The following FMN1 variants were observed in gnomAD, a reference collection of about 807,000 sequenced individuals.
FMN1 encodes formin 1.
FMN1 carries 110 observed loss-of-function variants against 132.4 expected under a neutral mutation model. That is an observed-to-expected ratio of 0.83 (90% CI 0.71 to 0.97). The LOEUF is 0.97. Among genes scored for constraint, FMN1 ranks in the 50% least tolerant of loss-of-function variants. The pLI is 0.00. For missense variants in FMN1, 1,792 were observed against 1,705.3 expected (o/e 1.05, Z -0.90); for synonymous variants, 722 against 651.7 (o/e 1.11, Z -1.64).
chr15:33,087,461 G>A (rs191602581), intron 5 of FMN1, among the ~76,000 whole-genome samples: 5 of 152,262 alleles, frequency 3.3e-5, no homozygotes, highest in East Asian at 1.9e-4. Context: ...TGGGAGGACC[G>A]CTTGAACCCG....
rs368887334 is a variant in FMN1 at position 33,069,992 on chromosome 15, TC to T, written c.2044-4919del. Among the ~76,000 whole-genome samples the T allele has an allele frequency of 3.5e-3, 348 of 99,624 alleles. 33 individuals are homozygous for T. In the East Asian group the frequency reaches 0.085, roughly 24 times the overall value. 65.4% of individuals were successfully genotyped at this position (99,624 alleles called of 152,430 possible). On this transcript the variant is annotated intron_variant, in intron 5 of 20. Coordinates refer to ENST00000616417, the MANE Select transcript of FMN1 (RefSeq NM_001277313.2). ...CAACAGATCATAAGATCAGTCTTTCTCTTTTTTTTTTTTTTTTTTTTTTTTT... is the reference window on the plus strand; with the variant it reads ...CAACAGATCATAAGATCAGTCTTTCTTTTTTTTTTTTTTTTTTTTTTTTTT...
At position 33,067,050 on chromosome 15, in the gene FMN1, C is replaced by G. The variant is rs1194286273; in HGVS notation, c.2044-1976G>C. ...GCCCCCTTCTTCAGCACACGAAGCC[C>G]ACTGAAAAAAGCTGGAAGTTGGAAT... On this transcript the variant is annotated intron_variant, in intron 5 of 20. Coordinates refer to ENST00000616417, the MANE Select transcript of FMN1 (RefSeq NM_001277313.2). The G allele has an allele frequency of 6.2e-6, 10 of 1,613,948 alleles. No individual in the cohort carries two copies. Among genetic ancestry groups the G allele is most frequent in the Non-Finnish European group, 8.5e-6 (10 of 1,179,882 alleles).
At chr15:32,799,604 G>A (rs2057410027) in intron 18 of FMN1, among the ~76,000 whole-genome samples, 3 of 152,176 alleles carry the variant, frequency 2.0e-5, no homozygotes, top group Admixed American at 6.5e-5. Context: ...GGCATAGCAA[G>A]TTTTGGATGA....
intron 17 of FMN1, among the ~76,000 whole-genome samples, chr15:32,823,591 G>C (rs1036204820): frequency 6.6e-6 from 1 of 152,200 alleles, no homozygotes; most frequent in Non-Finnish European, 1.5e-5. Flanking sequence ...AAAGTTTTAA[G>C]TTTCCTCTCA....
chr15:33,138,230 A>G (rs1276521637), intron 4 of FMN1, among the ~76,000 whole-genome samples: 1 of 152,204 alleles, frequency 6.6e-6, no homozygotes, highest in Non-Finnish European at 1.5e-5. Context: ...CAGCAGGAAC[A>G]CTATCATTGA....
intron 9 of FMN1, among the ~76,000 whole-genome samples, chr15:32,934,596 T>TC (rs987186179): frequency 5.3e-5 from 8 of 150,394 alleles, no homozygotes; most frequent in African/African-American, 7.4e-5. Context: ...ACAATTTTTT[T>TC]CCTTTTTTTT....
At chr15:32,922,999 T>G (rs990757034) in intron 10 of FMN1, among the ~76,000 whole-genome samples, 3 of 152,306 alleles carry the variant, frequency 2.0e-5, no homozygotes, top group South Asian at 2.1e-4. Flanking sequence ...TTTGTTGTTG[T>G]TGTAAGAAGG....
At chr15:33,016,730 G>A (rs1420214263) in intron 6 of FMN1, among the ~76,000 whole-genome samples, 1 of 152,168 alleles carries the variant, frequency 6.6e-6, no homozygotes, top group East Asian at 1.9e-4. Context: ...ACTGTTTGAT[G>A]ATTGACTCCT....
At chr15:32,796,113 C>A (rs1267168489) in intron 19 of FMN1, among the ~76,000 whole-genome samples, 3 of 152,288 alleles carry the variant, frequency 2.0e-5, no homozygotes, top group Non-Finnish European at 2.9e-5. Flanking sequence ...TATGAAGATG[C>A]ATTCATCTCA....
chr15:33,070,952 A>G (rs574874376), intron 5 of FMN1, among the ~76,000 whole-genome samples: 1 of 152,360 alleles, frequency 6.6e-6, no homozygotes, highest in Admixed American at 6.5e-5. Flanking sequence ...TGGTGGAAGT[A>G]TAATGTGAAT....
intron 5 of FMN1, among the ~76,000 whole-genome samples, chr15:33,073,729 CTTGTTTTT>C (rs2038088200): frequency 6.8e-6 from 1 of 147,472 alleles, no homozygotes; most frequent in Non-Finnish European, 1.5e-5. Flanking sequence ...ATTTACCTAG[CTTGTTTTT>C]TTTTTTTTTT....
chr15:33,026,725 G>A (rs997194294), intron 6 of FMN1, among the ~76,000 whole-genome samples: 2 of 152,110 alleles, frequency 1.3e-5, no homozygotes, highest in South Asian at 2.1e-4. Context: ...AGAGAGAGGT[G>A]AAGGTCAGTC....
intron 17 of FMN1, among the ~76,000 whole-genome samples, chr15:32,815,530 G>A (rs1174232442): frequency 6.6e-6 from 1 of 151,974 alleles, no homozygotes; most frequent in Non-Finnish European, 1.5e-5. Context: ...TGAAAACTAT[G>A]GAGCTATACA....
chr15:32,914,089 C>A (rs1168028014), intron 10 of FMN1, among the ~76,000 whole-genome samples: 2 of 152,128 alleles, frequency 1.3e-5, no homozygotes, highest in Non-Finnish European at 2.9e-5. Flanking sequence ...ATACCGCTTG[C>A]CTGAATACTC....
chr15:32,831,394 G>A lies in FMN1; in HGVS notation c.3928+25621C>T, dbSNP rs560650643. ...CTAATACCGTTGCTAATAATATAAC[G>A]CACATATCATGGAAGCTTGGGAAGT... On this transcript the variant is annotated intron_variant, in intron 17 of 20. Coordinates refer to ENST00000616417, the MANE Select transcript of FMN1 (RefSeq NM_001277313.2). Among the ~76,000 whole-genome samples the A allele has an allele frequency of 7.2e-5, 11 of 152,110 alleles. No individual in the cohort carries two copies. The East Asian group carries it at 1.4e-3, about 19-fold the overall frequency.
chr15:33,115,797 T>G (rs1402537563), intron 4 of FMN1, among the ~76,000 whole-genome samples: 1 of 152,150 alleles, frequency 6.6e-6, no homozygotes, highest in African/African-American at 2.4e-5. Flanking sequence ...GAAGTTCCCT[T>G]TCCACCTTAT....
intron 17 of FMN1, among the ~76,000 whole-genome samples, chr15:32,838,752 C>G (rs928588855): frequency 6.6e-6 from 1 of 152,222 alleles, no homozygotes; most frequent in Non-Finnish European, 1.5e-5. Flanking sequence ...ATCAAGGCAA[C>G]AGAATCCAAA....
chr15:33,122,679 G>C (rs1428196366), intron 4 of FMN1, among the ~76,000 whole-genome samples: 2 of 152,146 alleles, frequency 1.3e-5, no homozygotes, highest in African/African-American at 2.4e-5. Context: ...TCAAATCTAG[G>C]AACACTAAAT....
chr15:32,902,819 C>T (rs892852780), intron 12 of FMN1, among the ~76,000 whole-genome samples: 1 of 152,132 alleles, frequency 6.6e-6, no homozygotes, highest in African/African-American at 2.4e-5. Flanking sequence ...GGCCAACCAC[C>T]AGAGGAAGGG....
Sources: gnomAD v4.1 joint callset for allele counts (sites outside exome capture counted in the v4.1 genomes callset) on GRCh38, gnomAD v4.1.1 for gene constraint, MANE v1.5 for transcripts, NCBI Gene and HGNC (gene_info 2026-07-23, HGNC 2026-07-21) for gene names.